The following EYS variants were observed in gnomAD, a reference collection of about 807,000 sequenced individuals.
EYS encodes EGF-like photoreceptor maintenance factor.
EYS carries 250 observed loss-of-function variants against 282.1 expected under a neutral mutation model. The ratio of observed to expected loss-of-function variants is 0.89; its 90% CI spans 0.80 to 0.98. The LOEUF (loss-of-function observed/expected upper bound fraction) is 0.98, where lower values mean the gene tolerates loss of function less well. Among genes scored for constraint, EYS ranks in the 50% least tolerant of loss-of-function variants. EYS has a pLI of 0.00. For missense variants in EYS, 4,016 were observed against 3,709.0 expected (o/e 1.08, Z -2.15); for synonymous variants, 1,355 against 1,282.9 (o/e 1.06, Z -1.20).
intron 15 of EYS, among the ~76,000 whole-genome samples, chr6:64,940,579 C>T (rs116328100): frequency 0.01 from 1,555 of 152,106 alleles, 23 homozygotes; most frequent in African/African-American, 0.036. Flanking sequence ...TGTGTTCATA[C>T]ATCAACTTAC....
At chr6:64,000,875 C>T (rs573277149) in intron 33 of EYS, among the ~76,000 whole-genome samples, 8 of 152,172 alleles carry the variant, frequency 5.3e-5, no homozygotes, top group African/African-American at 1.4e-4. Flanking sequence ...TGGCCAGGCG[C>T]GGTGGCTCAG....
intron 41 of EYS, among the ~76,000 whole-genome samples, chr6:63,762,057 C>A (rs1769656378): frequency 6.6e-6 from 1 of 151,958 alleles, no homozygotes; most frequent in South Asian, 2.1e-4. Flanking sequence ...TCTAATTTCC[C>A]TCTGAAGCTG....
chr6:65,060,974 C>G lies in EYS; in HGVS notation c.2024-3247G>C, dbSNP rs142731271. Among the ~76,000 whole-genome samples the G allele has an allele frequency of 1.9e-3, 294 of 151,724 alleles. 2 individuals are homozygous for G. Among genetic ancestry groups the G allele is most frequent in the African/African-American group, 6.8e-3 (284 of 41,468 alleles). On this transcript the variant is annotated intron_variant, in intron 12 of 42. Coordinates refer to ENST00000503581, the MANE Select transcript of EYS (RefSeq NM_001142800.2). ...CAGAAAAATGCCAATGATACTGTATCTGTAAAGGACAGGTAATCATTTTCA... is the reference window on the plus strand; with the variant it reads ...CAGAAAAATGCCAATGATACTGTATGTGTAAAGGACAGGTAATCATTTTCA...
intron 19 of EYS, among the ~76,000 whole-genome samples, chr6:64,864,243 A>T (rs990979951): frequency 3.9e-5 from 6 of 152,010 alleles, no homozygotes; most frequent in Non-Finnish European, 8.8e-5. Flanking sequence ...GACCTCATCC[A>T]CTGTCCCCCT....
chr6:64,055,521 G>A (rs1040373678), intron 33 of EYS, among the ~76,000 whole-genome samples: 6 of 151,980 alleles, frequency 3.9e-5, no homozygotes, highest in Admixed American at 1.3e-4. Flanking sequence ...TGCCTTTTAC[G>A]TGTCCTGTGC....
intron 2 of EYS, among the ~76,000 whole-genome samples, chr6:65,504,537 C>T (rs1423413937): frequency 6.6e-6 from 1 of 151,660 alleles, no homozygotes; most frequent in Non-Finnish European, 1.5e-5. Context: ...TAGGATTTTA[C>T]AGATGTTCTT....
chr6:64,381,012 A>G lies in EYS; in HGVS notation c.6078+7678T>C, dbSNP rs1772729125. Among the ~76,000 whole-genome samples, 3 of 146,870 alleles carry G rather than the reference A, an allele frequency of 2.0e-5. No individual in the cohort carries two copies. In the South Asian group the frequency reaches 6.6e-4, roughly 32 times the overall value. On this transcript the variant is annotated intron_variant, in intron 29 of 42. Coordinates refer to ENST00000503581, the MANE Select transcript of EYS (RefSeq NM_001142800.2). ...AGCCTGGGTGACAGAGCAAGACTCC[A>G]TCTCAGAAAAAAAAAAAAAAAAAGA... is the stretch of plus-strand genomic sequence containing the variant.
chr6:64,296,963 T>C (rs1769052467), intron 30 of EYS, among the ~76,000 whole-genome samples: 1 of 152,188 alleles, frequency 6.6e-6, no homozygotes, highest in Non-Finnish European at 1.5e-5. Flanking sequence ...GTTTACAACC[T>C]TCCAGGTGAA....
chr6:63,805,197 A>C (rs544088182), intron 37 of EYS, among the ~76,000 whole-genome samples: 85 of 152,344 alleles, frequency 5.6e-4, no homozygotes, highest in African/African-American at 2.0e-3. Flanking sequence ...AACTCAGAGA[A>C]GTTAGGTGAT....
intron 1 of EYS, among the ~76,000 whole-genome samples, chr6:65,686,689 T>C (rs984202071): frequency 6.6e-6 from 1 of 152,128 alleles, no homozygotes; most frequent in African/African-American, 2.4e-5. Context: ...CCTTGGGTAA[T>C]GGGTTGTTTT....
At chr6:63,982,411 A>C (rs150392406) in intron 35 of EYS, among the ~76,000 whole-genome samples, 316 of 151,852 alleles carry the variant, frequency 2.1e-3, no homozygotes, top group African/African-American at 7.3e-3. Context: ...GCCCATTTTC[A>C]AGCTCATGTG....
chr6:64,390,125 G>GCCCAC (rs1439554901), intron 28 of EYS, among the ~76,000 whole-genome samples: 1 of 152,046 alleles, frequency 6.6e-6, no homozygotes, highest in Non-Finnish European at 1.5e-5. Context: ...AGGGTCCTAC[G>GCCCAC]CCCACGGAGT....
In EYS at chr6:64,185,273, C is replaced by A. The variant is rs550790136; in HGVS notation, c.6424+45319G>T. Reference sequence around the variant, plus strand: ...ATACAGGAAGACATTTTTTAATGTTCTGAAAGTAATTTCACTTCTAACCCA... The same window carrying A: ...ATACAGGAAGACATTTTTTAATGTTATGAAAGTAATTTCACTTCTAACCCA... On this transcript the variant is annotated intron_variant, in intron 31 of 42. Coordinates refer to ENST00000503581, the MANE Select transcript of EYS (RefSeq NM_001142800.2). 8.5e-5 allele frequency among the ~76,000 whole-genome samples: 13 copies of A among 152,224 alleles called. No individual in the cohort carries two copies. In the South Asian group the frequency reaches 2.7e-3, roughly 32 times the overall value.
At chr6:65,208,192 CAT>C (rs1236966782) in intron 12 of EYS, among the ~76,000 whole-genome samples, 1 of 151,636 alleles carries the variant, frequency 6.6e-6, no homozygotes, top group Non-Finnish European at 1.5e-5. Flanking sequence ...ACCTATCAAA[CAT>C]ATGAAAAATG....
intron 33 of EYS, among the ~76,000 whole-genome samples, chr6:64,045,861 A>T (rs533107680): frequency 6.7e-6 from 1 of 149,150 alleles, no homozygotes; most frequent in Non-Finnish European, 1.5e-5. Flanking sequence ...CATGTAATAT[A>T]CACATATGTA....
chr6:65,428,366 T>C (rs1767744155), intron 5 of EYS, among the ~76,000 whole-genome samples: 1 of 152,202 alleles, frequency 6.6e-6, no homozygotes, highest in South Asian at 2.1e-4. Flanking sequence ...AAAGGCTAAG[T>C]AGTCATTAAA....
At chr6:64,582,483 T>A (rs951744895) in intron 26 of EYS, among the ~76,000 whole-genome samples, 2 of 152,098 alleles carry the variant, frequency 1.3e-5, no homozygotes, top group Non-Finnish European at 2.9e-5. Context: ...CTGATGTACA[T>A]GAATTGGTAT....
At chr6:65,071,055 G>A (rs922411270) in intron 12 of EYS, among the ~76,000 whole-genome samples, 1 of 151,496 alleles carries the variant, frequency 6.6e-6, no homozygotes, top group Admixed American at 6.6e-5. Flanking sequence ...TTAAGAAATG[G>A]TCATTCTTTT....
At chr6:64,107,203 G>C (rs976725259) in intron 31 of EYS, among the ~76,000 whole-genome samples, 1 of 144,882 alleles carries the variant, frequency 6.9e-6, no homozygotes, top group Non-Finnish European at 1.5e-5. Flanking sequence ...CCTTCAAACA[G>C]TGTATGAGTT....
Sources: allele counts gnomAD v4.1 joint callset (sites outside exome capture counted in the v4.1 genomes callset), GRCh38; gene constraint gnomAD v4.1.1; transcripts MANE v1.5; gene names NCBI Gene and HGNC (gene_info 2026-07-23, HGNC 2026-07-21).